RILPL2: variants seen among roughly 807,000 people sequenced by gnomAD.
The protein encoded by RILPL2 is RILP-like protein 2.
A neutral mutation model predicts 22.2 loss-of-function variants in RILPL2; 19 were observed. The ratio of observed to expected loss-of-function variants is 0.86; its 90% CI spans 0.60 to 1.25. The LOEUF (loss-of-function observed/expected upper bound fraction) is 1.25. Ranked by LOEUF, RILPL2 falls within the 50% of genes most tolerant of loss-of-function variation. The probability of loss-of-function intolerance (pLI) is 0.00; values close to 1 mark genes in which losing one functional copy is unlikely to be tolerated. For synonymous variants in RILPL2, 123 were observed against 111.6 expected (o/e 1.10, Z -0.64); for missense variants, 243 against 263.6 (o/e 0.92, Z 0.54).
intron 1 of RILPL2, among the ~76,000 whole-genome samples, chr12:123,433,331 C>A (rs1183606916): frequency 6.6e-6 from 1 of 152,142 alleles, no homozygotes; most frequent in Non-Finnish European, 1.5e-5. Flanking sequence ...AATCTCTTGA[C>A]TTCCTGATCC....
chr12:123,436,040 CCGCAGGCGCCGTGGG>C lies in RILPL2; in HGVS notation c.339+27_339+41del, dbSNP rs1324004324. ...CTGCCAGTAGGTGCCCTCCTACGCC[CCGCAGGCGCCGTGGG>C]CCCGGAACCCTCGCTCCCACACTCA... On this transcript the variant is annotated intron_variant, in intron 1 of 3. Transcript: ENST00000280571. This position sits in a 1 kb window ranked among gnomAD's most constrained non-coding sequence, Gnocchi z 6.7. 6.5e-7 allele frequency: 1 copy of C among 1,542,210 alleles called. No homozygotes were observed. Among genetic ancestry groups the C allele is most frequent in the Non-Finnish European group, 8.8e-7 (1 of 1,140,820 alleles).
At chr12:123,425,067 G>C (rs1879404408) in intron 2 of RILPL2, among the ~76,000 whole-genome samples, 1 of 151,754 alleles carries the variant, frequency 6.6e-6, no homozygotes, top group Admixed American at 6.6e-5. Context: ...TTTTAGTAGA[G>C]ATAGGATTTC....
intron 1 of RILPL2, among the ~76,000 whole-genome samples, chr12:123,434,551 G>A (rs996620791): frequency 6.6e-6 from 1 of 151,664 alleles, no homozygotes; most frequent in Admixed American, 6.6e-5. Flanking sequence ...AGCCTCCCGA[G>A]TAGCTGGGAT....
At chr12:123,428,756 C>T (rs778695371) in intron 2 of RILPL2, among the ~76,000 whole-genome samples, 11 of 152,182 alleles carry the variant, frequency 7.2e-5, no homozygotes, top group African/African-American at 9.6e-5. Context: ...CTCTGGTCCT[C>T]AGCTCAGCAT....
chr12:123,427,327 G>T (rs1455538664), intron 2 of RILPL2, among the ~76,000 whole-genome samples: 1 of 152,022 alleles, frequency 6.6e-6, no homozygotes, highest in Non-Finnish European at 1.5e-5. Flanking sequence ...CAGAAGAAAG[G>T]CCTCTTACCA....
At chr12:123,430,442 T>C in intron 2 of RILPL2, 66 bp downstream of exon 2, 1 of 1,448,906 alleles carries the variant, frequency 6.9e-7, no homozygotes, top group South Asian at 1.3e-5. Flanking sequence ...CAAAAACAAA[T>C]ATGTAACCTA....
intron 2 of RILPL2, among the ~76,000 whole-genome samples, chr12:123,427,448 T>G (rs1398463061): frequency 6.6e-6 from 1 of 152,034 alleles, no homozygotes; most frequent in Non-Finnish European, 1.5e-5. Flanking sequence ...CACCTCTTGA[T>G]GAAAGGAGTG....
At chr12:123,417,884 C>T (rs974944068) in intron 3 of RILPL2, among the ~76,000 whole-genome samples, 6 of 152,026 alleles carry the variant, frequency 3.9e-5, no homozygotes, top group African/African-American at 1.4e-4. Flanking sequence ...TGTGCCTGGC[C>T]TGTTCTGGGA....
the RILPL2 span, among the ~76,000 whole-genome samples, chr12:123,409,714 C>CTTT: frequency 1.0e-3 from 95 of 90,554 alleles, 15 homozygotes; most frequent in African/African-American, 5.0e-3. Context: ...CACACCTGGC[C>CTTT]TTTTTTTTTT....
At chr12:123,414,215 G>C (rs1879053165), downstream of RILPL2, 1 of 155,012 alleles carries the variant, frequency 6.5e-6, no homozygotes, top group Non-Finnish European at 1.4e-5. Context: ...CGGAGGGGGT[G>C]GGAGGCTCAG....
rs1193948014 is a variant in RILPL2, at chr12:123,436,064, C to A, written c.339+18G>T. The A allele has an allele frequency of 1.3e-6, 2 of 1,557,186 alleles. No individual in the cohort carries two copies. The highest frequency in any genetic ancestry group is 1.4e-5 in the African/African-American group (1 of 73,368). The stretch of plus-strand genomic sequence containing the variant: ...CCCGCAGGCGCCGTGGGCCCGGAAC[C>A]CTCGCTCCCACACTCACCTCCCCGC... On this transcript the variant is annotated intron_variant, in intron 1 of 3. Coordinates refer to ENST00000280571, the MANE Select transcript of RILPL2 (RefSeq NM_145058.3). This position sits in a 1 kb window ranked among gnomAD's most constrained non-coding sequence, Gnocchi z 6.7.
At position 123,423,024 on chromosome 12, in the gene RILPL2, G is replaced by A. The variant is rs768531023; in HGVS notation, c.605+20C>T. On this transcript the variant is annotated intron_variant, in intron 3 of 3. Transcript: ENST00000280571. ...GAGTTATTATTTGGCGGGACCGGGGGGCAGCAAGGTGACACTTACAGCTTT... is the reference window on the plus strand; with the variant it reads ...GAGTTATTATTTGGCGGGACCGGGGAGCAGCAAGGTGACACTTACAGCTTT... 9.7e-6 allele frequency: 15 copies of A among 1,543,540 alleles called. No homozygotes were observed. Among genetic ancestry groups the A allele is most frequent in the African/African-American group, 1.4e-5 (1 of 73,376 alleles).
chr12:123,424,971 C>A (rs1036657273), intron 2 of RILPL2, among the ~76,000 whole-genome samples: 2 of 151,806 alleles, frequency 1.3e-5, no homozygotes, highest in African/African-American at 4.8e-5. Flanking sequence ...GCTCCGCCTC[C>A]CGGGTTCACG....
At chr12:123,418,109 G>C (rs1879169347) in intron 3 of RILPL2, among the ~76,000 whole-genome samples, 2 of 151,598 alleles carry the variant, frequency 1.3e-5, no homozygotes, top group Admixed American at 1.3e-4. Flanking sequence ...TTTTTGTAGA[G>C]ATGAGGTCTC....
At chr12:123,428,223 A>G (rs1236584296) in intron 2 of RILPL2, among the ~76,000 whole-genome samples, 3 of 151,648 alleles carry the variant, frequency 2.0e-5, no homozygotes, top group Non-Finnish European at 4.4e-5. Context: ...TGCAAGCTCC[A>G]CCTCCCAGGT....
intron 2 of RILPL2, among the ~76,000 whole-genome samples, chr12:123,427,951 TAAC>T (rs1420252475): frequency 1.3e-5 from 2 of 152,192 alleles, no homozygotes; most frequent in Non-Finnish European, 2.9e-5. Flanking sequence ...CCACAATATA[TAAC>T]ACTAGAGACG....
chr12:123,426,901 C>A (rs559427314), intron 2 of RILPL2, among the ~76,000 whole-genome samples: 1 of 151,652 alleles, frequency 6.6e-6, no homozygotes, highest in Non-Finnish European at 1.5e-5. Context: ...CGCGGCCAGC[C>A]GACTCTTTCT....
chr12:123,423,093 C>CA lies in RILPL2; in HGVS notation c.555dup (p.Ala186CysfsTer38), dbSNP rs1327720437. ...TCCTTGTTCCTGCCAGCATTTTTGG[C>CA]ACTAGTAACCACAGCATCTTTTTCT... On this transcript the variant is annotated frameshift_variant, in exon 3 of 4. Coordinates refer to ENST00000280571, the MANE Select transcript of RILPL2 (RefSeq NM_145058.3). LOFTEE classifies it high-confidence loss of function. 1.9e-6 allele frequency: 3 copies of CA among 1,613,762 alleles called. No homozygotes were observed. Among genetic ancestry groups the CA allele is most frequent in the Non-Finnish European group, 2.5e-6 (3 of 1,179,934 alleles).
chr12:123,436,100 G>GCT lies in RILPL2; in HGVS notation c.319_320dup (p.Ser107ArgfsTer9). The GCT allele has an allele frequency of 6.3e-7, 1 of 1,579,450 alleles. No individual in the cohort carries two copies. Among genetic ancestry groups the GCT allele is most frequent in the Non-Finnish European group, 8.6e-7 (1 of 1,163,160 alleles). On this transcript the variant is annotated frameshift_variant, in exon 1 of 4. Transcript: ENST00000280571. LOFTEE classifies it high-confidence loss of function. The surrounding 1 kb of genome is among the most constrained non-coding windows in gnomAD (Gnocchi z 6.7). ...CACTCACCTCCCCGCTGGCCGGAGG[G>GCT]CTCTGTCTCCGCAGCCCCTCCACCT... is the stretch of plus-strand genomic sequence containing the variant.
Sources: allele counts gnomAD v4.1 joint callset (sites outside exome capture counted in the v4.1 genomes callset), GRCh38; gene constraint gnomAD v4.1.1; non-coding constraint Gnocchi (gnomAD v3.1); transcripts MANE v1.5; gene names NCBI Gene and HGNC (gene_info 2026-07-23, HGNC 2026-07-21).